IL18RAP: variants seen among roughly 807,000 people sequenced by gnomAD.
IL18RAP encodes interleukin-18 receptor accessory protein.
A neutral mutation model predicts 58.1 loss-of-function variants in IL18RAP; 37 were observed. That is an observed-to-expected ratio of 0.64 (90% CI 0.49 to 0.84). IL18RAP has a LOEUF of 0.84. IL18RAP is among the 40% of genes least tolerant of loss of function. The pLI is 0.00. For missense variants in IL18RAP, 667 were observed against 704.8 expected (o/e 0.95, Z 0.61); for synonymous variants, 268 against 257.5 (o/e 1.04, Z -0.39).
chr2:102,422,813 C>T (rs566088493), upstream of IL18RAP, among the ~76,000 whole-genome samples: 17 of 152,072 alleles, frequency 1.1e-4, no homozygotes, highest in Non-Finnish European at 2.2e-4. Flanking sequence ...CTTTCCTAAC[C>T]GTGAAAAATC....
intron 5 of IL18RAP, among the ~76,000 whole-genome samples, chr2:102,441,724 C>T (rs1683114681): frequency 1.3e-5 from 2 of 152,008 alleles, no homozygotes; most frequent in Non-Finnish European, 2.9e-5. Context: ...CCCATCTCTA[C>T]TAAAACTACA....
At chr2:102,449,798 G>A (rs143839102) in intron 8 of IL18RAP, among the ~76,000 whole-genome samples, 25 of 152,228 alleles carry the variant, frequency 1.6e-4, no homozygotes, top group African/African-American at 5.3e-4. Context: ...AGGCAACTGT[G>A]GTGTGTTACA....
rs759303609 is a variant in IL18RAP at position 102,451,919 on chromosome 2, A to G, written c.1538A>G (p.Lys513Arg). ...DDQTLKLILIKFCYFQEPESL... is the reference protein window; with the variant it reads ...DDQTLKLILIRFCYFQEPESL... ...CAAACACTGAAACTCATTTTAATTA[A>G]GTTCTGTTACTTCCAAGAGCCAGAG... Residue 513 changes from lysine to arginine, a missense_variant, in exon 10 of 10, where the codon AAG becomes AGG. Physicochemically the swap from Lys to Arg is conservative, Grantham distance 26. Transcript: ENST00000687160. The G allele has an allele frequency of 2.5e-6, 4 of 1,614,166 alleles. No individual in the cohort carries two copies. In the South Asian group the frequency reaches 4.4e-5, roughly 18 times the overall value.
intron 7 of IL18RAP, 96 bp from the exon 8 acceptor site, chr2:102,446,974 G>A (rs1683459654): frequency 1.6e-6 from 2 of 1,281,802 alleles, no homozygotes. Context: ...AATAGAGCTG[G>A]AAAAGGTGCT....
chr2:102,452,143 GA>G lies in IL18RAP; in HGVS notation c.1765del (p.Thr589ProfsTer42), dbSNP rs753024824. 62 of 1,612,738 alleles carry G rather than the reference GA, an allele frequency of 3.8e-5. No homozygotes were observed. In the African/African-American group the frequency reaches 6.8e-4, roughly 18 times the overall value. On this transcript the variant is annotated frameshift_variant, in exon 10 of 10. Coordinates refer to ENST00000687160, the MANE Select transcript of IL18RAP (RefSeq NM_001393487.1). LOFTEE classifies it high-confidence loss of function. ...IFQWKGLSRT[E>X]TTGRSSQPKE... Reference sequence around the variant, plus strand: ...TCAGTGGAAAGGACTCAGTAGAACAGAAACCACTGGGAGGAGCTCCCAGCCT... The same window carrying G: ...TCAGTGGAAAGGACTCAGTAGAACAGAACCACTGGGAGGAGCTCCCAGCCT...
At chr2:102,423,662 C>A in intron 1 of IL18RAP, 149 bp from the exon 2 acceptor site, 2 of 684,442 alleles carry the variant, frequency 2.9e-6, no homozygotes, top group Non-Finnish European at 5.0e-6. Flanking sequence ...TTAGAACAGG[C>A]ACTTCCTTTC....
At chr2:102,449,387 T>C (rs955109916) in intron 8 of IL18RAP, among the ~76,000 whole-genome samples, 5 of 152,236 alleles carry the variant, frequency 3.3e-5, no homozygotes, top group African/African-American at 1.2e-4. Flanking sequence ...CTTTTTTGAA[T>C]GAAGCAAATT....
intron 3 of IL18RAP, chr2:102,434,919 A>C (rs181774995): frequency 6.6e-6 from 1 of 152,338 alleles, no homozygotes; most frequent in Admixed American, 6.5e-5. Flanking sequence ...CATCTGTTAA[A>C]TAATTAATTC....
At position 102,424,227 on chromosome 2, in the gene IL18RAP, C is replaced by A; in HGVS notation, c.396-4C>A. The A allele has an allele frequency of 6.2e-7, 1 of 1,613,166 alleles. No individual in the cohort carries two copies. The highest frequency in any genetic ancestry group is 1.3e-5 in the African/African-American group (1 of 74,968). On this transcript the variant is annotated splice_polypyrimidine_tract_variant and splice_region_variant and intron_variant, in intron 2 of 9. Coordinates refer to ENST00000687160, the MANE Select transcript of IL18RAP (RefSeq NM_001393487.1). ...ATGTTCACAGGATCTTGTTAATTTC[C>A]TAGGAGCCCCTATGATGTAGCCTGT...
At chr2:102,421,983 G>A (rs1041529075), upstream of IL18RAP, among the ~76,000 whole-genome samples, 4 of 151,662 alleles carry the variant, frequency 2.6e-5, no homozygotes, top group Admixed American at 2.6e-4. Context: ...CATTCCCCTC[G>A]CAGTGGAATC....
intron 6 of IL18RAP, among the ~76,000 whole-genome samples, chr2:102,443,856 G>T (rs1278656383): frequency 6.6e-6 from 1 of 152,184 alleles, no homozygotes; most frequent in African/African-American, 2.4e-5. Context: ...CTATTACATT[G>T]TTTGAGAAAT....
At chr2:102,425,845 C>G (rs1033966752) in intron 3 of IL18RAP, among the ~76,000 whole-genome samples, 7 of 152,118 alleles carry the variant, frequency 4.6e-5, no homozygotes, top group Admixed American at 1.3e-4. Flanking sequence ...GCAAATATTG[C>G]TTTTATAAAC....
At chr2:102,436,345 T>C (rs11894245) in intron 3 of IL18RAP, among the ~76,000 whole-genome samples, 174 of 152,300 alleles carry the variant, frequency 1.1e-3, no homozygotes, top group African/African-American at 4.2e-3. Flanking sequence ...TCCCCCTATG[T>C]TTTAAAACTT....
At chr2:102,444,959 C>T (rs1160996841) in intron 6 of IL18RAP, among the ~76,000 whole-genome samples, 2 of 152,184 alleles carry the variant, frequency 1.3e-5, no homozygotes, top group Non-Finnish European at 2.9e-5. Context: ...TAAGGAAGGT[C>T]AGATGAGTCT....
At position 102,450,822 on chromosome 2, in the gene IL18RAP, T is replaced by G. The variant is rs765315415; in HGVS notation, c.1211-26T>G. On this transcript the variant is annotated intron_variant, in intron 8 of 9. Transcript: ENST00000687160. The stretch of plus-strand genomic sequence containing the variant: ...TAAAAAAAAGAGTAAATGACTTATG[T>G]TTTTATAAATTTTCCTATTCTTCAG... 4 of 1,496,688 alleles carry G rather than the reference T, an allele frequency of 2.7e-6. No homozygotes were observed. In the African/African-American group the frequency reaches 4.2e-5, roughly 16 times the overall value. The allele number at this position is 1,496,688 out of a possible 1,614,324, so 92.7% of individuals were successfully genotyped here.
At chr2:102,436,803 A>ATG (rs1386536506) in intron 3 of IL18RAP, among the ~76,000 whole-genome samples, 14 of 99,328 alleles carry the variant, frequency 1.4e-4, no homozygotes, top group African/African-American at 5.4e-4. Context: ...GTATGTATAT[A>ATG]TATGTGTGTG....
intron 3 of IL18RAP, among the ~76,000 whole-genome samples, chr2:102,427,407 G>A (rs2110659): frequency 0.54 from 81,435 of 151,912 alleles, 23,743 homozygotes; most frequent in African/African-American, 0.74. Flanking sequence ...GATAAAAGCC[G>A]CTCTAACAAG....
chr2:102,444,719 C>T (rs530714748), intron 6 of IL18RAP, among the ~76,000 whole-genome samples: 3 of 152,310 alleles, frequency 2.0e-5, no homozygotes, highest in Admixed American at 2.0e-4. Flanking sequence ...GCAGTGTGGT[C>T]TGGGGCTACT....
chr2:102,425,031 T>C (rs1681847328), intron 3 of IL18RAP, among the ~76,000 whole-genome samples: 1 of 152,182 alleles, frequency 6.6e-6, no homozygotes, highest in African/African-American at 2.4e-5. Context: ...TTCCATCGTG[T>C]TTGATAGTGT....
Sources: gnomAD v4.1 joint callset for allele counts (sites outside exome capture counted in the v4.1 genomes callset) on GRCh38, gnomAD v4.1.1 for gene constraint, MANE v1.5 for transcripts, NCBI Gene and HGNC (gene_info 2026-07-23, HGNC 2026-07-21) for gene names.